Variants in SMG6 observed in about 807,000 individuals in gnomAD.
SMG6 encodes SMG6 nonsense mediated mRNA decay factor.
In SMG6, 66 loss-of-function variants were observed where a neutral mutation model predicts 142.2. That is an observed-to-expected ratio of 0.46 (90% confidence interval 0.38 to 0.57). The LOEUF is 0.57. Among genes scored for constraint, SMG6 ranks in the 20% least tolerant of loss-of-function variants. The pLI is 0.00. For synonymous variants in SMG6, 779 were observed against 702.4 expected, an observed-to-expected ratio of 1.11 and a Z score of -1.72; for missense variants, 1,793 against 1,832.0, an observed-to-expected ratio of 0.98 and a Z score of 0.39.
intron 13 of SMG6, among the ~76,000 whole-genome samples, chr17:2,109,373 C>T (rs753947778): frequency 1.2e-4 from 19 of 152,108 alleles, no homozygotes; most frequent in Non-Finnish European, 1.9e-4. Context: ...AAGTGATTCT[C>T]GTGCCTCAGC....
chr17:2,303,558 G>C lies in SMG6; in HGVS notation c.88+75C>G, dbSNP rs954529147. 3.0e-5 allele frequency: 41 copies of C among 1,349,760 alleles called. No individual in the cohort carries two copies. The African/African-American group carries it at 4.8e-4, about 16-fold the overall frequency. 83.6% of individuals were successfully genotyped at this position (1,349,760 alleles called of 1,614,324 possible). A position where few individuals can be genotyped will look rare whatever the true frequency, so the allele number is the denominator to read the frequency against. On this transcript the variant is annotated intron_variant, in intron 1 of 18. Coordinates refer to ENST00000263073, the MANE Select transcript of SMG6 (RefSeq NM_017575.5). ...GGGGCTCCGGAGCCGAGGGCCGAGC[G>C]GGGAGGAGGCAGAGGAGGAGGAGAG...
chr17:2,300,159 A>G lies in SMG6; in HGVS notation c.594T>C (p.Ala198=), dbSNP rs216193. The change falls in exon 2 of 19, where the codon GCT becomes GCC. Residue 198 remains alanine, a synonymous_variant. Transcript: ENST00000263073. The part of the protein sequence containing the change: ...KEEVANKPDR[A]EIEKSPGGGR... ...CACCACCTGGGCTCTTTTCTATCTC[A>G]GCCCTGTCTGGTTTATTCGCAACTT... is the stretch of plus-strand genomic sequence containing the variant. 987,444 of 1,613,554 alleles carry G rather than the reference A, an allele frequency of 0.61. 305,590 individuals are homozygous for G. The highest frequency in any genetic ancestry group is 0.72 in the East Asian group (32,369 of 44,854).
intron 13 of SMG6, among the ~76,000 whole-genome samples, chr17:2,100,848 G>A (rs1253800082): frequency 6.6e-6 from 1 of 151,602 alleles, no homozygotes; most frequent in Non-Finnish European, 1.5e-5. Context: ...CACCTGGCCA[G>A]AATGTATTGC....
chr17:2,298,114 A>C, intron 2 of SMG6, 59 bp from the exon 3 acceptor site: 1 of 1,492,438 alleles, frequency 6.7e-7, no homozygotes, highest in South Asian at 1.3e-5. Context: ...AGCTAGACTC[A>C]AGTTTTGAGA....
chr17:2,088,442 G>C, intron 13 of SMG6: 9 of 985,350 alleles, frequency 9.1e-6, no homozygotes, highest in Non-Finnish European at 9.6e-6. Flanking sequence ...TTTCATTTCC[G>C]CCCCATTTAG....
intron 13 of SMG6, among the ~76,000 whole-genome samples, chr17:2,120,491 A>C (rs1273477103): frequency 6.6e-6 from 1 of 152,236 alleles, no homozygotes; most frequent in East Asian, 1.9e-4. Flanking sequence ...CGAGTGAGGC[A>C]GGAGGACTGC....
chr17:2,226,263 G>A (rs112399501), intron 10 of SMG6, among the ~76,000 whole-genome samples: 2,632 of 128,270 alleles, frequency 0.021, 54 homozygotes, highest in Admixed American at 0.075. Context: ...AAACAAGAGT[G>A]AAACTCCGTC....
intron 13 of SMG6, among the ~76,000 whole-genome samples, chr17:2,116,912 G>C (rs959120647): frequency 9.2e-5 from 14 of 151,412 alleles, no homozygotes; most frequent in African/African-American, 3.4e-4. Context: ...GTAAAAATCA[G>C]GAACAGGCAC....
chr17:2,109,724 T>C (rs954079556), intron 13 of SMG6, among the ~76,000 whole-genome samples: 2 of 152,158 alleles, frequency 1.3e-5, no homozygotes, highest in Non-Finnish European at 2.9e-5. Context: ...TGCTTTATAC[T>C]GACAAAACAG....
Position 2,060,393 on chromosome 17 carries a change from C to T in SMG6, c.*1099G>A, listed in dbSNP as rs1437163626. ...CAGGTTAGGCGACGGTGCCCCAGCA[C>T]TGGAATGCCTCAGGCTGGGCTGTCC... On this transcript the variant is annotated 3_prime_UTR_variant, in exon 19 of 19. Coordinates refer to ENST00000263073, the MANE Select transcript of SMG6 (RefSeq NM_017575.5). 6.6e-6 allele frequency: 1 copy of T among 152,288 alleles called. No homozygotes were observed. Among genetic ancestry groups the T allele is most frequent in the Non-Finnish European group, 1.5e-5 (1 of 68,094 alleles). 9.4% of individuals were successfully genotyped at this position (152,288 alleles called of 1,614,324 possible).
intron 13 of SMG6, among the ~76,000 whole-genome samples, chr17:2,115,329 G>T (rs2069473859): frequency 6.6e-6 from 1 of 150,868 alleles, no homozygotes; most frequent in African/African-American, 2.4e-5. Flanking sequence ...TAGTAAGGAT[G>T]AAAAAAAAAT....
At chr17:2,296,601 G>A (rs1052922067) in intron 4 of SMG6, among the ~76,000 whole-genome samples, 3 of 152,310 alleles carry the variant, frequency 2.0e-5, no homozygotes, top group Non-Finnish European at 2.9e-5. Context: ...CTAAGCATGC[G>A]AGGGACCTAG....
intron 15 of SMG6, chr17:2,073,074 TTTTG>T: frequency 6.6e-6 from 1 of 151,372 alleles, no homozygotes; most frequent in Non-Finnish European, 1.5e-5. Context: ...GATGTGTTTT[TTTTG>T]TTTTGTTTTG....
chr17:2,179,019 T>C (rs941589901), intron 12 of SMG6, among the ~76,000 whole-genome samples: 24 of 152,186 alleles, frequency 1.6e-4, no homozygotes, highest in Admixed American at 2.6e-4. Flanking sequence ...CCAACACCCC[T>C]TCCTCTCACA....
In SMG6 at chr17:2,161,105, C is replaced by CT. The variant is rs34928313; in HGVS notation, c.3357+11552dup. Among the ~76,000 whole-genome samples the CT allele has an allele frequency of 5.5e-3, 733 of 132,622 alleles. 18 individuals carry two copies. The highest frequency in any genetic ancestry group is 0.037 in the East Asian group (171 of 4,568). The allele number at this position is 132,622 out of a possible 152,430, so 87.0% of individuals were successfully genotyped here. A position where few individuals can be genotyped will look rare whatever the true frequency, so the allele number is the denominator to read the frequency against. ...GGTAGGCATGCTCACATAACTGACC[C>CT]TTTTTTTTTTTTTTTTTTAGAGATG... is the stretch of plus-strand genomic sequence containing the variant. On this transcript the variant is annotated intron_variant, in intron 13 of 18. Transcript: ENST00000263073.
intron 18 of SMG6, 104 bp downstream of exon 18, chr17:2,064,969 C>T (rs1216047082): frequency 1.1e-6 from 1 of 902,106 alleles, no homozygotes; most frequent in Non-Finnish European, 1.8e-6. Context: ...ATTCCTTAGA[C>T]TTCCCAGGCC....
At chr17:2,248,829 T>C (rs2073978681) in intron 8 of SMG6, among the ~76,000 whole-genome samples, 2 of 151,948 alleles carry the variant, frequency 1.3e-5, no homozygotes, top group Admixed American at 1.3e-4. Context: ...AAATCGGACC[T>C]AAACAACATT....
At chr17:2,268,602 A>C (rs2074474905) in intron 8 of SMG6, among the ~76,000 whole-genome samples, 1 of 151,496 alleles carries the variant, frequency 6.6e-6, no homozygotes, top group African/African-American at 2.4e-5. Flanking sequence ...GTAAAACCCC[A>C]TCGCTACTTA....
chr17:2,127,394 C>T, intron 13 of SMG6: 1 of 671,208 alleles, frequency 1.5e-6, no homozygotes, highest in Non-Finnish European at 2.8e-6. Flanking sequence ...ATGGTAAATC[C>T]TTTTCCCCCC....
Sources: gnomAD v4.1 joint callset for allele counts (sites outside exome capture counted in the v4.1 genomes callset) on GRCh38, gnomAD v4.1.1 for gene constraint, MANE v1.5 for transcripts, NCBI Gene and HGNC (gene_info 2026-07-23, HGNC 2026-07-21) for gene names.